TAB2: variants seen among roughly 807,000 people sequenced by gnomAD.
TAB2 encodes the protein TGF-beta activated kinase 1 (MAP3K7) binding protein 2, also known as TGF-beta-activated kinase 1 and MAP3K7-binding protein 2.
A neutral mutation model predicts 65.0 loss-of-function variants in TAB2; 3 were observed. That is an observed-to-expected ratio of 0.05 (90% confidence interval 0.02 to 0.12). The LOEUF is 0.12. Ranked by LOEUF, TAB2 falls within the 10% of genes least tolerant of loss-of-function variation. The pLI, the probability that TAB2 is intolerant of heterozygous loss-of-function variation, is 1.00. For synonymous variants in TAB2, 298 were observed against 285.1 expected (o/e 1.05, Z -0.46); for missense variants, 623 against 840.3 (o/e 0.74, Z 3.20).
chr6:149,323,255 A>G (rs1779508784), intron 1 of TAB2, among the ~76,000 whole-genome samples: 1 of 152,156 alleles, frequency 6.6e-6, no homozygotes, highest in Admixed American at 6.5e-5. Flanking sequence ...CAAAAGTTCA[A>G]AAAATATTCT....
chr6:149,274,253 C>T (rs913237972), intron 1 of TAB2, among the ~76,000 whole-genome samples: 12 of 152,192 alleles, frequency 7.9e-5, no homozygotes, highest in Non-Finnish European at 1.8e-4. Flanking sequence ...GCAACTGACC[C>T]GGTTAAGGGA....
At chr6:149,356,054 T>C (rs1024106791) in intron 1 of TAB2, among the ~76,000 whole-genome samples, 2 of 152,222 alleles carry the variant, frequency 1.3e-5, no homozygotes, top group South Asian at 2.1e-4. Flanking sequence ...GGCTTTCAAG[T>C]AGATTTCTTA....
intron 1 of TAB2, among the ~76,000 whole-genome samples, chr6:149,283,196 T>C (rs1474598894): frequency 6.6e-6 from 1 of 152,206 alleles, no homozygotes; most frequent in East Asian, 1.9e-4. Flanking sequence ...TCTTGCTTAA[T>C]GCTGAGTGAG....
At chr6:149,380,331 A>T (rs1781567020) in intron 3 of TAB2, among the ~76,000 whole-genome samples, 1 of 152,226 alleles carries the variant, frequency 6.6e-6, no homozygotes, top group Non-Finnish European at 1.5e-5. Flanking sequence ...AGAATAATTT[A>T]CCTCAAAGAG....
At chr6:149,219,111 G>T (rs1777085528) in intron 1 of TAB2, among the ~76,000 whole-genome samples, 1 of 152,144 alleles carries the variant, frequency 6.6e-6, no homozygotes, top group Non-Finnish European at 1.5e-5. Flanking sequence ...TGATTGGGCT[G>T]GGAGCGTTCA....
At chr6:149,268,459 A>G (rs1254949626) in intron 1 of TAB2, among the ~76,000 whole-genome samples, 1 of 152,230 alleles carries the variant, frequency 6.6e-6, no homozygotes, top group Non-Finnish European at 1.5e-5. Context: ...CATCATTTTC[A>G]TGAACCACAT....
chr6:149,353,864 G>T (rs901440628), intron 1 of TAB2, among the ~76,000 whole-genome samples: 1 of 152,044 alleles, frequency 6.6e-6, no homozygotes, highest in African/African-American at 2.4e-5. Context: ...GAGAGTGAGA[G>T]ATTAAATATA....
At chr6:149,238,018 C>T (rs149656933) in intron 1 of TAB2, among the ~76,000 whole-genome samples, 169 of 152,334 alleles carry the variant, frequency 1.1e-3, no homozygotes, top group African/African-American at 3.9e-3. Flanking sequence ...TCCTCTTCCT[C>T]TCCGTGGTAT....
chr6:149,315,914 C>T (rs1004382599), upstream of TAB2, among the ~76,000 whole-genome samples: 4 of 152,134 alleles, frequency 2.6e-5, no homozygotes, highest in African/African-American at 7.2e-5. Context: ...TATTAAAATA[C>T]GTACATGTAC....
chr6:149,361,828 T>G (rs78966453), intron 1 of TAB2, among the ~76,000 whole-genome samples: 3,358 of 152,288 alleles, frequency 0.022, 119 homozygotes, highest in African/African-American at 0.078. Flanking sequence ...AGAAATTTCT[T>G]CTGTCAGATG....
intron 1 of TAB2, among the ~76,000 whole-genome samples, chr6:149,299,784 G>C (rs1185383537): frequency 1.3e-5 from 2 of 151,932 alleles, no homozygotes; most frequent in Admixed American, 6.6e-5. Context: ...GGGGGCAGGA[G>C]AATCACTTGA....
intron 1 of TAB2, among the ~76,000 whole-genome samples, chr6:149,298,010 C>T (rs999278139): frequency 6.6e-6 from 1 of 152,098 alleles, no homozygotes; most frequent in African/African-American, 2.4e-5. Flanking sequence ...AAAACAATTA[C>T]TTTATATTTC....
intron 1 of TAB2, among the ~76,000 whole-genome samples, chr6:149,262,203 A>C (rs12662362): frequency 6.6e-6 from 1 of 152,216 alleles, no homozygotes; most frequent in East Asian, 1.9e-4. Context: ...CCAAGCATCA[A>C]AGTCAGTAAT....
intron 1 of TAB2, among the ~76,000 whole-genome samples, chr6:149,230,997 G>C (rs749517571): frequency 1.4e-4 from 21 of 152,192 alleles, no homozygotes; most frequent in Non-Finnish European, 2.8e-4. Context: ...AATTGGACAA[G>C]CTCACTTACT....
chr6:149,353,928 A>G (rs1021204378), intron 1 of TAB2, among the ~76,000 whole-genome samples: 6 of 152,206 alleles, frequency 3.9e-5, no homozygotes, highest in Non-Finnish European at 8.8e-5. Flanking sequence ...ACATACACGT[A>G]TATGTTTTTT....
At chr6:149,343,517 A>G (rs1249661715) in intron 1 of TAB2, among the ~76,000 whole-genome samples, 1 of 152,184 alleles carries the variant, frequency 6.6e-6, no homozygotes, top group African/African-American at 2.4e-5. Context: ...ATTGGAAATT[A>G]GACATATTAT....
At chr6:149,391,278 C>A (rs1781974864) in intron 3 of TAB2, among the ~76,000 whole-genome samples, 1 of 151,492 alleles carries the variant, frequency 6.6e-6, no homozygotes, top group Non-Finnish European at 1.5e-5. Flanking sequence ...TTTTTAAGAT[C>A]TTTCTTTGTC....
chr6:149,297,053 C>CCTCT lies in TAB2; in HGVS notation c.-121+78280_-121+78283dup, dbSNP rs201204793. 8.2e-3 allele frequency among the ~76,000 whole-genome samples: 1,244 copies of CCTCT among 151,218 alleles called. 14 individuals carry two copies. Among genetic ancestry groups the CCTCT allele is most frequent in the African/African-American group, 0.028 (1,162 of 41,074 alleles). ...TCCACAGTTACTTTTTCTCATTCAT[C>CCTCT]CTCTCTATCTCTCTCTCTCTCTTTC... On this transcript the variant is annotated intron_variant, in intron 1 of 1. Transcript: ENST00000606202.
chr6:149,342,046 TA>T (rs5880834), intron 1 of TAB2, among the ~76,000 whole-genome samples: 64,870 of 148,480 alleles, frequency 0.44, 14,479 homozygotes, highest in Middle Eastern at 0.54. Context: ...TAACAAAAAT[TA>T]AAAAAAAAAA....
Sources: gnomAD v4.1 joint callset for allele counts (sites outside exome capture counted in the v4.1 genomes callset) on GRCh38, gnomAD v4.1.1 for gene constraint, MANE v1.5 for transcripts, NCBI Gene and HGNC (gene_info 2026-07-23, HGNC 2026-07-21) for gene names.